TTLL5: variants seen among roughly 807,000 people sequenced by gnomAD.
The protein encoded by TTLL5 is tubulin polyglutamylase TTLL5.
In TTLL5, 132 loss-of-function variants were observed where a neutral mutation model predicts 168.4. That is an observed-to-expected ratio of 0.78 (90% CI 0.68 to 0.91). The LOEUF (loss-of-function observed/expected upper bound fraction) is 0.91, where lower values mean the gene tolerates loss of function less well. Among genes scored for constraint, TTLL5 ranks in the 40% least tolerant of loss-of-function variants. The pLI is 0.00. For missense variants in TTLL5, 1,545 were observed against 1,581.5 expected (o/e 0.98, Z 0.39); for synonymous variants, 546 against 558.6 (o/e 0.98, Z 0.32).
At chr14:75,672,127 C>T (rs1883796781) in intron 3 of TTLL5, among the ~76,000 whole-genome samples, 1 of 152,244 alleles carries the variant, frequency 6.6e-6, no homozygotes, top group Non-Finnish European at 1.5e-5. Context: ...ATATTTCCCC[C>T]TTCAGCCTGT....
At chr14:75,799,096 T>G (rs1192305591) in intron 27 of TTLL5, among the ~76,000 whole-genome samples, 1 of 152,172 alleles carries the variant, frequency 6.6e-6, no homozygotes, top group African/African-American at 2.4e-5. Context: ...TGTTGTTGTC[T>G]ATCTCATTTC....
intron 27 of TTLL5, among the ~76,000 whole-genome samples, chr14:75,798,613 T>C (rs967984737): frequency 6.6e-6 from 1 of 152,146 alleles, no homozygotes; most frequent in African/African-American, 2.4e-5. Flanking sequence ...CTATGAACTT[T>C]CGTCTTAGCA....
chr14:75,733,331 A>G (rs1888663077), intron 13 of TTLL5, among the ~76,000 whole-genome samples: 1 of 152,206 alleles, frequency 6.6e-6, no homozygotes, highest in Non-Finnish European at 1.5e-5. Context: ...TCATGGAGGA[A>G]CACCTCAGCA....
intron 28 of TTLL5, among the ~76,000 whole-genome samples, chr14:75,857,072 G>A (rs113926723): frequency 0.014 from 2,129 of 152,052 alleles, 52 homozygotes; most frequent in African/African-American, 0.049. Context: ...AGTTTATAAG[G>A]TTTTCTATGT....
At chr14:75,755,716 GC>G (rs1041179636) in intron 18 of TTLL5, among the ~76,000 whole-genome samples, 1 of 152,106 alleles carries the variant, frequency 6.6e-6, no homozygotes, top group Non-Finnish European at 1.5e-5. Context: ...TGTGTTTGTA[GC>G]AAGTCCTAGT....
chr14:75,691,360 T>C (rs554314617), intron 6 of TTLL5, among the ~76,000 whole-genome samples: 5 of 152,304 alleles, frequency 3.3e-5, no homozygotes, highest in Non-Finnish European at 7.4e-5. Flanking sequence ...AGAAGAGACA[T>C]GAGTACAGAT....
chr14:75,925,446 C>T (rs867176461), intron 31 of TTLL5, among the ~76,000 whole-genome samples: 4 of 22,954 alleles, frequency 1.7e-4, no homozygotes, highest in Admixed American at 5.4e-4. Context: ...TCCTCACATC[C>T]CAGACGGGGC....
chr14:75,857,766 C>T (rs1897208371), intron 28 of TTLL5, among the ~76,000 whole-genome samples: 1 of 151,920 alleles, frequency 6.6e-6, no homozygotes, highest in South Asian at 2.1e-4. Flanking sequence ...ATTCTCCTGC[C>T]TCAGCCTCCT....
intron 27 of TTLL5, 125 bp downstream of exon 27, chr14:75,793,225 A>G (rs1892821144): frequency 1.1e-6 from 1 of 889,968 alleles, no homozygotes; most frequent in African/African-American, 1.7e-5. Flanking sequence ...AGTATTATTA[A>G]TAGTTGGTTT....
intron 29 of TTLL5, among the ~76,000 whole-genome samples, chr14:75,871,058 G>A (rs1160832415): frequency 6.6e-6 from 1 of 152,076 alleles, no homozygotes; most frequent in Non-Finnish European, 1.5e-5. Flanking sequence ...GCCTCCCAAA[G>A]TGCTGGGATT....
chr14:75,841,540 T>G (rs1009489804), intron 28 of TTLL5, among the ~76,000 whole-genome samples: 2 of 152,216 alleles, frequency 1.3e-5, no homozygotes, highest in Non-Finnish European at 2.9e-5. Context: ...TTCTGGGTGA[T>G]TCCCTTGATA....
chr14:75,736,531 C>T (rs1888920445), intron 15 of TTLL5, among the ~76,000 whole-genome samples: 1 of 152,154 alleles, frequency 6.6e-6, no homozygotes, highest in Non-Finnish European at 1.5e-5. Context: ...CATACCTCAT[C>T]TGAAAGGGAT....
intron 31 of TTLL5, among the ~76,000 whole-genome samples, chr14:75,941,716 C>G (rs2034611438): frequency 6.6e-6 from 1 of 151,844 alleles, no homozygotes; most frequent in South Asian, 2.1e-4. Flanking sequence ...CCAGGCTGGT[C>G]TTGAATCCTG....
chr14:75,869,522 AT>A (rs2030834594), intron 29 of TTLL5, among the ~76,000 whole-genome samples: 1 of 152,212 alleles, frequency 6.6e-6, no homozygotes, highest in Non-Finnish European at 1.5e-5. Context: ...ATATTACCAT[AT>A]GTCAAGCACC....
intron 31 of TTLL5, among the ~76,000 whole-genome samples, chr14:75,905,090 G>A (rs2033090854): frequency 1.3e-5 from 2 of 152,164 alleles, no homozygotes; most frequent in Admixed American, 6.5e-5. Flanking sequence ...GTTCCTAGTA[G>A]CAACATTTTT....
At chr14:75,798,343 C>T (rs1316380926) in intron 27 of TTLL5, among the ~76,000 whole-genome samples, 1 of 151,026 alleles carries the variant, frequency 6.6e-6, no homozygotes, top group African/African-American at 2.4e-5. Flanking sequence ...TTCTTTTCTT[C>T]TTCTCTTCTA....
Position 75,683,598 on chromosome 14 carries a change from C to T in TTLL5, c.313C>T (p.Leu105=), listed in dbSNP as rs746255542. 1 of 1,613,932 alleles carries T rather than the reference C, an allele frequency of 6.2e-7. No individual in the cohort carries two copies. Among genetic ancestry groups the T allele is most frequent in the Non-Finnish European group, 8.5e-7 (1 of 1,179,954 alleles). Residue 105 remains leucine (L), a synonymous_variant, in exon 5 of 32, where the codon CTG becomes TTG. Transcript: ENST00000298832. The part of the protein sequence containing the change: ...DYNLMWTGSH[L]KPFLLRTLSE... ...TAACCTAATGTGGACAGGATCCCAC[C>T]TGAAGCCCTTCTTACTGCGCACCCT...
rs537302557 is a variant in TTLL5 at position 75,808,007 on chromosome 14, G to A, written c.3172-12000G>A. The stretch of plus-strand genomic sequence containing the variant: ...TTATAGTATAGTCAACTGATTCTTC[G>A]ACCAGACAAAACTCAGCCTTGTTAA... On this transcript the variant is annotated intron_variant, in intron 27 of 31. Coordinates refer to ENST00000298832, the MANE Select transcript of TTLL5 (RefSeq NM_015072.5). Among the ~76,000 whole-genome samples, 82 of 152,196 alleles carry A rather than the reference G, an allele frequency of 5.4e-4. 1 individual carries two copies. Among genetic ancestry groups the A allele is most frequent in the African/African-American group, 1.4e-3 (58 of 41,528 alleles).
At chr14:75,680,003 T>G (rs1043151898) in intron 3 of TTLL5, among the ~76,000 whole-genome samples, 4 of 152,250 alleles carry the variant, frequency 2.6e-5, no homozygotes, top group Non-Finnish European at 4.4e-5. Flanking sequence ...AATTGTTGTC[T>G]TTGACTACAG....
Sources: allele counts gnomAD v4.1 joint callset (sites outside exome capture counted in the v4.1 genomes callset), GRCh38; gene constraint gnomAD v4.1.1; transcripts MANE v1.5; gene names NCBI Gene and HGNC (gene_info 2026-07-23, HGNC 2026-07-21).